Variants in ZNF132 observed in about 807,000 individuals in gnomAD.
ZNF132 encodes zinc finger protein 132 (clone pHZ-12).
Under a neutral mutation model 9.3 loss-of-function variants are expected in ZNF132, and 6 were observed. The observed-to-expected ratio is 0.65, with a 90% confidence interval of 0.35 to 1.28. ZNF132 has a LOEUF of 1.28. Among genes scored for constraint, ZNF132 ranks in the 50% most tolerant of loss-of-function variants. The pLI is 0.03. For synonymous variants in ZNF132, 296 were observed against 292.0 expected (o/e 1.01, Z -0.14); for missense variants, 877 against 843.2 (o/e 1.04, Z -0.50).
intron 1 of ZNF132, among the ~76,000 whole-genome samples, chr19:58,438,560 G>A (rs1019816668): frequency 7.9e-5 from 11 of 140,052 alleles, no homozygotes; most frequent in African/African-American, 1.1e-4. Flanking sequence ...TGCAAGCTCC[G>A]CCTCCCGGGT....
chr19:58,433,322 CTCA>C lies in ZNF132; in HGVS notation c.2119_2121del (p.Ter707delextTer45). 2 of 1,608,228 alleles carry C rather than the reference CTCA, an allele frequency of 1.2e-6. No homozygotes were observed. The highest frequency in any genetic ancestry group is 2.2e-5 in the South Asian group (2 of 90,552). ...CAAAGACCACTTCCATAAGGCTCCA[CTCA>C]GGTATGAATCTTTTTATGCTGTGCA... On this transcript the variant is annotated stop_lost and inframe_deletion, in exon 3 of 3. Coordinates refer to ENST00000254166, the MANE Select transcript of ZNF132 (RefSeq NM_003433.4).
chr19:58,440,116 G>C lies in ZNF132; in HGVS notation c.-295C>G. ...CCTGGTGTGGCTCCAGAGGCCTGCT[G>C]TAGCCCAACCCACCAGCAGCAAAAT... On this transcript the variant is annotated 5_prime_UTR_variant, in exon 1 of 3. Transcript: ENST00000254166. 9.0e-6 allele frequency: 4 copies of C among 446,454 alleles called. No homozygotes were observed. The South Asian group carries it at 1.2e-4, about 13-fold the overall frequency. 27.7% of individuals were successfully genotyped at this position (446,454 alleles called of 1,614,324 possible). A position where few individuals can be genotyped will look rare whatever the true frequency, so the allele number is the denominator to read the frequency against.
rs764763249 is a variant in ZNF132 at position 58,434,807 on chromosome 19, C to G, written c.637G>C (p.Val213Leu). 3.7e-6 allele frequency: 6 copies of G among 1,614,216 alleles called. No individual in the cohort carries two copies. Among genetic ancestry groups the G allele is most frequent in the Non-Finnish European group, 5.1e-6 (6 of 1,180,032 alleles). ...GSCDLLQLQA[V>L]DSGQKPYSNL... ...GAATATGGCTTCTGCCCACTGTCAA[C>G]AGCTTGAAGCTGGAGGAGGTCACAG... Residue 213 changes from valine (V) to leucine (L), a missense_variant, in exon 3 of 3, where the codon GTT (valine) becomes CTT (leucine). Coordinates refer to ENST00000254166, the MANE Select transcript of ZNF132 (RefSeq NM_003433.4).
Position 58,437,164 on chromosome 19 carries a change from T to A in ZNF132, c.115A>T (p.Thr39Ser), listed in dbSNP as rs1426436517. The A allele has an allele frequency of 6.2e-7, 1 of 1,613,600 alleles. No homozygotes were observed. The highest frequency in any genetic ancestry group is 2.2e-5 in the East Asian group (1 of 44,874). ...AAGTATACAGCCACATCTTCAAAGGTTACCATGCTCTTCAATGTGGGGACA... is the reference window on the plus strand; with the variant it reads ...AAGTATACAGCCACATCTTCAAAGGATACCATGCTCTTCAATGTGGGGACA... The part of the protein sequence containing the change: ...SAVPTLKSMV[T>S]FEDVAVYFSQ... Residue 39 changes from threonine to serine, a missense_variant, in exon 2 of 3, where the codon ACC (threonine) becomes TCC (serine). Physicochemically the swap from Thr to Ser is moderately conservative, Grantham distance 58. Transcript: ENST00000254166.
intron 1 of ZNF132, among the ~76,000 whole-genome samples, chr19:58,438,502 C>G (rs949669940): frequency 7.2e-6 from 1 of 139,296 alleles, no homozygotes; most frequent in African/African-American, 2.8e-5. Flanking sequence ...GAGACAGAGT[C>G]TCGCTCTGTC....
intron 2 of ZNF132, 77 bp from the exon 3 acceptor site, chr19:58,435,288 G>T: frequency 4.0e-6 from 6 of 1,504,168 alleles, no homozygotes; most frequent in Non-Finnish European, 5.4e-6. Flanking sequence ...ATGTTACCCA[G>T]GAATTCACAC....
At chr19:58,435,249 C>T (rs1266859139) in intron 2 of ZNF132, 38 bp from the exon 3 acceptor site, 3 of 1,581,052 alleles carry the variant, frequency 1.9e-6, no homozygotes, top group Non-Finnish European at 2.6e-6. Context: ...AAGAATTCCA[C>T]TTGGTGGGAA....
rs1345651502 is a variant in ZNF132 at position 58,435,093 on chromosome 19, G to C, written c.351C>G (p.Asp117Glu). Residue 117 changes from aspartate to glutamate, a missense_variant, in exon 3 of 3, where the codon GAC (aspartate) becomes GAG (glutamate). Coordinates refer to ENST00000254166, the MANE Select transcript of ZNF132 (RefSeq NM_003433.4). ...TGTCTTTCAAGAATGGCCCACACATGTCACAGGAGTTAGCTTTCTTGGTGG... is the reference window on the plus strand; with the variant it reads ...TGTCTTTCAAGAATGGCCCACACATCTCACAGGAGTTAGCTTTCTTGGTGG... ...DPSTKKANSC[D>E]MCGPFLKDIL... 1 of 1,614,060 alleles carries C rather than the reference G, an allele frequency of 6.2e-7. No homozygotes were observed. Among genetic ancestry groups the C allele is most frequent in the African/African-American group, 1.3e-5 (1 of 74,918 alleles).
rs571774208 is a variant in ZNF132, at chr19:58,438,961, G to A, written c.63+798C>T. ...TAATTTTTCTGTATTTTTAGTAGAG[G>A]TGGGGTTTCGCCACGTTGGCCAGGC... On this transcript the variant is annotated intron_variant, in intron 1 of 2. Transcript: ENST00000254166. 7.3e-5 allele frequency among the ~76,000 whole-genome samples: 11 copies of A among 151,532 alleles called. No homozygotes were observed. In the South Asian group the frequency reaches 2.3e-3, roughly 32 times the overall value.
At position 58,434,900 on chromosome 19, in the gene ZNF132, T is replaced by C; in HGVS notation, c.544A>G (p.Ser182Gly). ...WYKDRDALMKSSKVHLSENPF... is the reference protein window; with the variant it reads ...WYKDRDALMKGSKVHLSENPF... ...TTCTCTGACAGGTGGACTTTAGAGC[T>C]CTTCATAAGTGCGTCCCTGTCCTTG... Residue 182 changes from serine (S) to glycine (G), a missense_variant, in exon 3 of 3, where the codon AGC becomes GGC. Physicochemically the swap from Ser to Gly is moderately conservative, Grantham distance 56. Transcript: ENST00000254166. The C allele has an allele frequency of 6.2e-7, 1 of 1,614,122 alleles. No individual in the cohort carries two copies. The highest frequency in any genetic ancestry group is 2.2e-5 in the East Asian group (1 of 44,888).
At chr19:58,438,697 TCTC>T (rs958741045) in intron 1 of ZNF132, among the ~76,000 whole-genome samples, 10 of 151,560 alleles carry the variant, frequency 6.6e-5, no homozygotes, top group African/African-American at 1.7e-4. Flanking sequence ...ATGGTCTCAA[TCTC>T]CTGACCTAGT....
In ZNF132 at chr19:58,437,101, T is replaced by C; in HGVS notation, c.178A>G (p.Arg60Gly). Residue 60 changes from arginine (R) to glycine (G), a missense_variant, in exon 2 of 3, where the codon AGG becomes GGG. Transcript: ENST00000254166. ...EEWELLDAAQ[R>G]HLYHSVMLEN... ...AGCATCACACTGTGGTACAGGTGCC[T>C]CTGGGCTGCATCAAGGAGCTCCCAC... The C allele has an allele frequency of 3.1e-6, 5 of 1,614,146 alleles. No individual in the cohort carries two copies. Among genetic ancestry groups the C allele is most frequent in the Non-Finnish European group, 4.2e-6 (5 of 1,180,030 alleles).
chr19:58,436,918 C>A, intron 2 of ZNF132, 129 bp downstream of exon 2: 1 of 1,283,792 alleles, frequency 7.8e-7, no homozygotes, highest in Non-Finnish European at 1.1e-6. Flanking sequence ...CTCAGCACCC[C>A]AGCACCTACA....
rs1372344591 is a variant in ZNF132 at position 58,436,218 on chromosome 19, T to C, written c.232+829A>G. On this transcript the variant is annotated intron_variant, in intron 2 of 2. Transcript: ENST00000254166. ...GGGGAGTGACAGCTAATGGGACTGC[T>C]AATAGGACCTACAGTTTCTCTTTAG... The C allele has an allele frequency of 3.9e-5, 6 of 154,374 alleles. No homozygotes were observed. In the East Asian group the frequency reaches 1.2e-3, roughly 30 times the overall value. The allele number at this position is 154,374 out of a possible 1,614,324, so 9.6% of individuals were successfully genotyped here. A position where few individuals can be genotyped will look rare whatever the true frequency, so the allele number is the denominator to read the frequency against.
At position 58,439,756 on chromosome 19, in the gene ZNF132, T is replaced by G. The variant is rs7259841; in HGVS notation, c.63+3A>C. 5.9e-5 allele frequency: 90 copies of G among 1,535,976 alleles called. No homozygotes were observed. Among genetic ancestry groups the G allele is most frequent in the Non-Finnish European group, 6.9e-5 (79 of 1,141,008 alleles). On this transcript the variant is annotated splice_donor_region_variant and intron_variant, in intron 1 of 2. Transcript: ENST00000254166. The stretch of plus-strand genomic sequence containing the variant: ...GTGAGGGCCTGGGGCACACTCCACT[T>G]ACCTGCGCCGGGCCCATCAGCAACG...
At position 58,434,606 on chromosome 19, in the gene ZNF132, C is replaced by A; in HGVS notation, c.838G>T (p.Gly280Cys). 6.2e-7 allele frequency: 1 copy of A among 1,614,086 alleles called. No homozygotes were observed. Among genetic ancestry groups the A allele is most frequent in the East Asian group, 2.2e-5 (1 of 44,894 alleles). The change falls in exon 3 of 3, where the codon GGT becomes TGT. Residue 280 changes from glycine (G) to cysteine (C), a missense_variant. Gly to Cys is a radical substitution (Grantham distance 159). Coordinates refer to ENST00000254166, the MANE Select transcript of ZNF132 (RefSeq NM_003433.4). ...TCCCCAGTGTGAAACTTTTTATTACCAAGGATTGATTTCTCCTCTAAGAAA... is the reference window on the plus strand; with the variant it reads ...TCCCCAGTGTGAAACTTTTTATTACAAAGGATTGATTTCTCCTCTAAGAAA... The part of the protein sequence containing the change: ...GNFLEEKSIL[G>C]NKKFHTGEIP...
rs1298227735 is a variant in ZNF132, at chr19:58,433,371, G to C, written c.2073C>G (p.Leu691=). The change falls in exon 3 of 3, where the codon CTC becomes CTG. Residue 691 remains leucine (L), a synonymous_variant. Transcript: ENST00000254166. ...RTYECSQCGK[L]FSHLCNLAQH... is the part of the protein sequence containing the mutation. ...GTGCAAGGTTACAAAGATGGCTGAA[G>C]AGTTTCCCACACTGGCTACACTCAT... The C allele has an allele frequency of 1.2e-6, 2 of 1,614,224 alleles. No individual in the cohort carries two copies. The highest frequency in any genetic ancestry group is 3.3e-5 in the Admixed American group (2 of 60,028).
chr19:58,437,941 C>T (rs757075975), intron 1 of ZNF132, among the ~76,000 whole-genome samples: 21 of 152,150 alleles, frequency 1.4e-4, no homozygotes, highest in Non-Finnish European at 2.5e-4. Flanking sequence ...CCAGTCATAG[C>T]TGTCCTTGCT....
chr19:58,433,732 T>TAA lies in ZNF132; in HGVS notation c.1710_1711dup (p.Tyr571PhefsTer172), dbSNP rs1335835678. 12 of 1,613,966 alleles carry TAA rather than the reference T, an allele frequency of 7.4e-6. No individual in the cohort carries two copies. The highest frequency in any genetic ancestry group is 1.6e-4 in the Middle Eastern group (1 of 6,082). On this transcript the variant is annotated frameshift_variant, in exon 3 of 3. Coordinates refer to ENST00000254166, the MANE Select transcript of ZNF132 (RefSeq NM_003433.4). LOFTEE classifies it low-confidence loss of function (END_TRUNC). ...GAATTTCCCACATTCATTGCACTCA[T>TAA]AAGGCCTTTCTTTTGTGTGAACTCT...
Sources: allele counts gnomAD v4.1 joint callset (sites outside exome capture counted in the v4.1 genomes callset), GRCh38; gene constraint gnomAD v4.1.1; transcripts MANE v1.5; gene names NCBI Gene and HGNC (gene_info 2026-07-23, HGNC 2026-07-21).